RCC2: variants seen among roughly 807,000 people sequenced by gnomAD.
RCC2 encodes the protein regulator of chromosome condensation 2.
A neutral mutation model predicts 64.1 loss-of-function variants in RCC2; 19 were observed. The observed-to-expected ratio is 0.30, with a 90% CI of 0.21 to 0.44. The LOEUF (loss-of-function observed/expected upper bound fraction) is 0.44. RCC2 is among the 20% of genes least tolerant of loss of function. RCC2 has a pLI of 1.00. For missense variants in RCC2, 508 were observed against 710.4 expected (o/e 0.72, Z 3.24); for synonymous variants, 325 against 279.6 (o/e 1.16, Z -1.62).
intron 5 of RCC2, 127 bp from the exon 6 acceptor site, chr1:17,422,418 CA>C (rs1570188904): frequency 8.1e-6 from 7 of 864,594 alleles, no homozygotes; most frequent in Non-Finnish European, 1.1e-5. Context: ...TGAGACTGCC[CA>C]AAAGCTGGCA....
At chr1:17,417,720 T>C (rs968609719) in intron 7 of RCC2, among the ~76,000 whole-genome samples, 1 of 152,052 alleles carries the variant, frequency 6.6e-6, no homozygotes, top group African/African-American at 2.4e-5. Flanking sequence ...TGTTATCAGT[T>C]TGTAAACTAG....
chr1:17,426,129 A>G (rs2075613594), intron 3 of RCC2, among the ~76,000 whole-genome samples: 1 of 152,138 alleles, frequency 6.6e-6, no homozygotes, highest in African/African-American at 2.4e-5. Context: ...TCACCCTGAC[A>G]GTAACCTACC....
chr1:17,417,031 G>C (rs1300698399), intron 7 of RCC2, among the ~76,000 whole-genome samples: 1 of 152,202 alleles, frequency 6.6e-6, no homozygotes, highest in East Asian at 1.9e-4. Context: ...TGCTGATCAA[G>C]GAATGGTCTA....
rs200813374 is a variant in RCC2 at position 17,425,700 on chromosome 1, G to A, written c.380-16C>T. The A allele has an allele frequency of 2.5e-6, 4 of 1,598,716 alleles. No individual in the cohort carries two copies. Among genetic ancestry groups the A allele is most frequent in the Admixed American group, 1.7e-5 (1 of 59,604 alleles). ...CGGTAAGCAGCTGCAGAGAGAATGAGAATGCAGATCAGACACCTGGGGTGG... is the reference window on the plus strand; with the variant it reads ...CGGTAAGCAGCTGCAGAGAGAATGAAAATGCAGATCAGACACCTGGGGTGG... On this transcript the variant is annotated splice_polypyrimidine_tract_variant and intron_variant, in intron 3 of 12. Transcript: ENST00000375436.
chr1:17,416,578 G>T lies in RCC2; in HGVS notation c.928C>A (p.Arg310=), dbSNP rs372979455. 6.2e-7 allele frequency: 1 copy of T among 1,614,042 alleles called. No homozygotes were observed. Among genetic ancestry groups the T allele is most frequent in the African/African-American group, 1.3e-5 (1 of 75,046 alleles). The change falls in exon 8 of 13, where the codon CGG becomes AGG. Residue 310 remains arginine, a synonymous_variant. Coordinates refer to ENST00000375436, the MANE Select transcript of RCC2 (RefSeq NM_018715.4). ...RIEYDCELVP[R]RVAIFIEKTK... Reference sequence around the variant, plus strand: ...TTCTCAATGAAGATGGCCACTCGCCGGGGAACTAGTTCACAGTCGTACTCT... The same window carrying T: ...TTCTCAATGAAGATGGCCACTCGCCTGGGAACTAGTTCACAGTCGTACTCT...
intron 4 of RCC2, among the ~76,000 whole-genome samples, chr1:17,424,835 A>G (rs2075595677): frequency 6.6e-6 from 1 of 152,182 alleles, no homozygotes; most frequent in African/African-American, 2.4e-5. Context: ...TATGATTGGA[A>G]TGATCTGGAA....
At chr1:17,438,087 T>G in intron 2 of RCC2, 143 bp downstream of exon 2, 1 of 471,566 alleles carries the variant, frequency 2.1e-6, no homozygotes, top group Non-Finnish European at 2.9e-6. Context: ...GAGGCAATGA[T>G]TCAGCCCGCG....
intron 2 of RCC2, among the ~76,000 whole-genome samples, chr1:17,436,457 G>C (rs2075736578): frequency 6.6e-6 from 1 of 152,156 alleles, no homozygotes; most frequent in Non-Finnish European, 1.5e-5. Context: ...GCAGTGAGCT[G>C]AGATCGTGCC....
chr1:17,427,885 C>T lies in RCC2; in HGVS notation c.379+1221G>A, dbSNP rs527461238. ...CGCCCTGCAGCAGTCCCAGGCTCTG[C>T]GGTCAGACTGAGAAGTCAATTCCCA... On this transcript the variant is annotated intron_variant, in intron 3 of 12. Coordinates refer to ENST00000375436, the MANE Select transcript of RCC2 (RefSeq NM_018715.4). 7.8e-4 allele frequency among the ~76,000 whole-genome samples: 119 copies of T among 152,278 alleles called. 1 individual carries two copies. The highest frequency in any genetic ancestry group is 2.7e-3 in the African/African-American group (114 of 41,576).
intron 3 of RCC2, among the ~76,000 whole-genome samples, chr1:17,428,642 C>G (rs1431726668): frequency 6.6e-6 from 1 of 152,206 alleles, no homozygotes. Context: ...TCTCTGCTTT[C>G]CCCCGCTCCA....
Position 17,410,056 on chromosome 1 carries a change from C to A in RCC2, c.1387-5G>T, listed in dbSNP as rs372433444. 1.1e-5 allele frequency: 17 copies of A among 1,613,358 alleles called. No homozygotes were observed. Among genetic ancestry groups the A allele is most frequent in the South Asian group, 8.8e-5 (8 of 91,062 alleles). On this transcript the variant is annotated splice_polypyrimidine_tract_variant and splice_region_variant and intron_variant, in intron 11 of 12. Coordinates refer to ENST00000375436, the MANE Select transcript of RCC2 (RefSeq NM_018715.4). ...GGGCTTGTGGTCCCCGTAGCCCTGGCGAAGCAAACAAGATGTTCGCAATCG... is the reference window on the plus strand; with the variant it reads ...GGGCTTGTGGTCCCCGTAGCCCTGGAGAAGCAAACAAGATGTTCGCAATCG...
At chr1:17,426,364 T>C (rs888711733) in intron 3 of RCC2, among the ~76,000 whole-genome samples, 3 of 152,042 alleles carry the variant, frequency 2.0e-5, no homozygotes, top group Non-Finnish European at 2.9e-5. Context: ...AGCCACTTCA[T>C]GACTCCCCTG....
intron 2 of RCC2, among the ~76,000 whole-genome samples, chr1:17,432,442 C>T (rs1441264577): frequency 6.6e-6 from 1 of 152,248 alleles, no homozygotes; most frequent in Non-Finnish European, 1.5e-5. Context: ...ACCAAGCTCC[C>T]AGGCCAGAGG....
At chr1:17,438,872 C>A (rs1035252707) in intron 1 of RCC2, among the ~76,000 whole-genome samples, 1 of 152,182 alleles carries the variant, frequency 6.6e-6, no homozygotes, top group South Asian at 2.1e-4. Flanking sequence ...GCCTCCAGTC[C>A]CCTAGATTTT....
chr1:17,428,195 C>G (rs1158987075), intron 3 of RCC2, among the ~76,000 whole-genome samples: 2 of 152,242 alleles, frequency 1.3e-5, no homozygotes, highest in African/African-American at 4.8e-5. Context: ...GCAACACGGG[C>G]ACAGGACTGG....
chr1:17,427,067 A>AT (rs1199658553), intron 3 of RCC2, among the ~76,000 whole-genome samples: 2 of 152,166 alleles, frequency 1.3e-5, no homozygotes, highest in Non-Finnish European at 2.9e-5. Context: ...AGCAATCTTA[A>AT]TTTTTGAAAT....
At chr1:17,430,820 C>T (rs1293050625) in intron 2 of RCC2, among the ~76,000 whole-genome samples, 1 of 151,752 alleles carries the variant, frequency 6.6e-6, no homozygotes, top group Non-Finnish European at 1.5e-5. Context: ...CCTCTGCCTC[C>T]CGGGTTCAAA....
intron 12 of RCC2, among the ~76,000 whole-genome samples, chr1:17,409,498 C>T (rs1267900252): frequency 6.6e-6 from 1 of 151,924 alleles, no homozygotes; most frequent in African/African-American, 2.4e-5. Context: ...TCCCCCCCCT[C>T]TCTGGCTCAC....
At chr1:17,427,019 C>T (rs1392260119) in intron 3 of RCC2, among the ~76,000 whole-genome samples, 1 of 152,112 alleles carries the variant, frequency 6.6e-6, no homozygotes, top group East Asian at 1.9e-4. Context: ...ACTCAGCCTT[C>T]CAAACTGCTG....
Sources: allele counts gnomAD v4.1 joint callset (sites outside exome capture counted in the v4.1 genomes callset), GRCh38; gene constraint gnomAD v4.1.1; transcripts MANE v1.5; gene names NCBI Gene and HGNC (gene_info 2026-07-23, HGNC 2026-07-21).